The following CDK6 variants were observed in gnomAD, a reference collection of about 807,000 sequenced individuals.
CDK6 encodes cyclin-dependent kinase 6.
In CDK6, 6 loss-of-function variants were observed where a neutral mutation model predicts 37.1. The observed-to-expected ratio is 0.16, with a 90% CI of 0.09 to 0.32. CDK6 has a LOEUF of 0.32. Ranked by LOEUF, CDK6 falls within the 10% of genes least tolerant of loss-of-function variation. CDK6 has a pLI of 1.00. For synonymous variants in CDK6, 160 were observed against 161.3 expected, an observed-to-expected ratio of 0.99 and a Z score of 0.06; for missense variants, 224 against 418.9, an observed-to-expected ratio of 0.53 and a Z score of 4.06.
chr7:92,618,010 T>C (rs555147775), intron 7 of CDK6, 62 bp downstream of exon 7: 1 of 1,550,408 alleles, frequency 6.4e-7, no homozygotes, highest in African/African-American at 1.4e-5. Flanking sequence ...CACCACCCAG[T>C]CTGGGTAGAG....
In CDK6 at chr7:92,605,681, C is replaced by G. The variant is rs1403669110; in HGVS notation, c.*9459G>C. The G allele has an allele frequency of 4.3e-6, 1 of 233,282 alleles. No individual in the cohort carries two copies. The highest frequency in any genetic ancestry group is 2.2e-5 in the African/African-American group (1 of 45,464). 14.5% of individuals were successfully genotyped at this position (233,282 alleles called of 1,614,324 possible). On this transcript the variant is annotated 3_prime_UTR_variant, in exon 8 of 8. Coordinates refer to ENST00000424848, the MANE Select transcript of CDK6 (RefSeq NM_001145306.2). ...TTCTTTCTTTCTTCTTCTTTTGCTT[C>G]AAGAGGGCTTTCTGTGTGTAATGGA... is the stretch of plus-strand genomic sequence containing the variant.
At chr7:92,809,680 TC>T (rs1800821659) in intron 2 of CDK6, among the ~76,000 whole-genome samples, 1 of 152,252 alleles carries the variant, frequency 6.6e-6, no homozygotes, top group Admixed American at 6.5e-5. Context: ...ATTGTGACCA[TC>T]TTAAGAACAA....
intron 2 of CDK6, among the ~76,000 whole-genome samples, chr7:92,819,328 C>G (rs1184241963): frequency 1.3e-5 from 2 of 151,962 alleles, no homozygotes; most frequent in African/African-American, 4.8e-5. Flanking sequence ...ATATGAAACT[C>G]TAGAAAGGAC....
At chr7:92,653,565 T>C (rs1348348373) in intron 5 of CDK6, among the ~76,000 whole-genome samples, 1 of 152,324 alleles carries the variant, frequency 6.6e-6, no homozygotes, top group South Asian at 2.1e-4. Context: ...TTTATGTGAG[T>C]CAACAAGTTT....
intron 2 of CDK6, among the ~76,000 whole-genome samples, chr7:92,793,572 T>C (rs952427003): frequency 2.6e-5 from 4 of 152,148 alleles, no homozygotes; most frequent in African/African-American, 9.7e-5. Context: ...AATTGGATCC[T>C]AACCTCACAA....
chr7:92,722,733 G>T (rs555019302), intron 4 of CDK6, among the ~76,000 whole-genome samples: 11 of 152,286 alleles, frequency 7.2e-5, no homozygotes, highest in African/African-American at 2.6e-4. Flanking sequence ...ATATCTGCAA[G>T]TCAGCATTTG....
At chr7:92,641,057 A>G (rs1796293709) in intron 5 of CDK6, among the ~76,000 whole-genome samples, 1 of 152,256 alleles carries the variant, frequency 6.6e-6, no homozygotes, top group African/African-American at 2.4e-5. Flanking sequence ...TTAAAATGTT[A>G]TAATGCATAG....
rs766236563 is a variant in CDK6 at position 92,611,854 on chromosome 7, C to G, written c.*3286G>C. The stretch of plus-strand genomic sequence containing the variant: ...AGTCACCTGGGGCTAAATGAAAAGT[C>G]TGCCATTCACAGTGTGTGCTTCCTG... On this transcript the variant is annotated 3_prime_UTR_variant, in exon 8 of 8. Coordinates refer to ENST00000424848, the MANE Select transcript of CDK6 (RefSeq NM_001145306.2). The G allele has an allele frequency of 4.3e-6, 1 of 232,196 alleles. No homozygotes were observed. 14.4% of individuals were successfully genotyped at this position (232,196 alleles called of 1,614,324 possible). A position where few individuals can be genotyped will look rare whatever the true frequency, so the allele number is the denominator to read the frequency against.
At chr7:92,697,108 C>G (rs1212255170) in intron 4 of CDK6, among the ~76,000 whole-genome samples, 1 of 152,166 alleles carries the variant, frequency 6.6e-6, no homozygotes. Context: ...TAATAATTGG[C>G]TCTTAATAAG....
intron 3 of CDK6, among the ~76,000 whole-genome samples, chr7:92,767,234 C>CT (rs1417042839): frequency 6.6e-6 from 1 of 152,144 alleles, no homozygotes; most frequent in African/African-American, 2.4e-5. Flanking sequence ...TTTTCAGCTA[C>CT]TATAAGGGTT....
At chr7:92,647,409 T>C (rs892809248) in intron 5 of CDK6, among the ~76,000 whole-genome samples, 3 of 152,174 alleles carry the variant, frequency 2.0e-5, no homozygotes, top group African/African-American at 4.8e-5. Context: ...ATTGGAAGAA[T>C]GACGTGGAGC....
At chr7:92,627,276 G>T (rs1002991209) in intron 5 of CDK6, among the ~76,000 whole-genome samples, 1 of 152,084 alleles carries the variant, frequency 6.6e-6, no homozygotes, top group African/African-American at 2.4e-5. Context: ...GTAGACTGGT[G>T]GTTGCCTGGG....
At chr7:92,758,016 G>GT (rs1479259473) in intron 3 of CDK6, among the ~76,000 whole-genome samples, 5 of 152,082 alleles carry the variant, frequency 3.3e-5, no homozygotes, top group Admixed American at 2.6e-4. Context: ...TTGTAAATTT[G>GT]TTTAATTTCC....
chr7:92,758,215 T>C (rs1725063368), intron 3 of CDK6, among the ~76,000 whole-genome samples: 1 of 152,218 alleles, frequency 6.6e-6, no homozygotes, highest in Non-Finnish European at 1.5e-5. Flanking sequence ...CCCATTCCTA[T>C]GTCAAGGATG....
chr7:92,666,185 C>G (rs557577872), intron 5 of CDK6, among the ~76,000 whole-genome samples: 12 of 152,346 alleles, frequency 7.9e-5, no homozygotes, highest in African/African-American at 2.9e-4. Flanking sequence ...ATCCCAACTG[C>G]TGGCCTTCCA....
intron 5 of CDK6, 66 bp from the exon 6 acceptor site, chr7:92,623,152 AT>A: frequency 9.0e-7 from 1 of 1,110,068 alleles, no homozygotes. Context: ...CATATTTGCC[AT>A]TATCATTGTT....
intron 3 of CDK6, among the ~76,000 whole-genome samples, chr7:92,768,480 T>G (rs1232601703): frequency 6.6e-6 from 1 of 152,256 alleles, no homozygotes; most frequent in African/African-American, 2.4e-5. Flanking sequence ...CTTTCACAAA[T>G]GTACTTTCTT....
intron 4 of CDK6, chr7:92,710,870 T>G: frequency 1.0e-6 from 1 of 985,302 alleles, no homozygotes; most frequent in Non-Finnish European, 1.2e-6. Flanking sequence ...GTTACAGCCA[T>G]GGACCTGAGT....
chr7:92,796,746 A>G (rs949153713), intron 2 of CDK6, among the ~76,000 whole-genome samples: 2 of 152,190 alleles, frequency 1.3e-5, no homozygotes, highest in African/African-American at 2.4e-5. Context: ...TAAACAGGGC[A>G]CTTTAAAATA....
Sources: gnomAD v4.1 joint callset for allele counts (sites outside exome capture counted in the v4.1 genomes callset) on GRCh38, gnomAD v4.1.1 for gene constraint, MANE v1.5 for transcripts, NCBI Gene and HGNC (gene_info 2026-07-23, HGNC 2026-07-21) for gene names.